Variants in PLB1 observed in about 807,000 individuals in gnomAD.
PLB1 encodes phospholipase B1, also known as phospholipase B1, membrane-associated.
A neutral mutation model predicts 227.4 loss-of-function variants in PLB1; 242 were observed. The observed-to-expected ratio is 1.06, with a 90% CI of 0.96 to 1.18. The LOEUF (loss-of-function observed/expected upper bound fraction) is 1.18. Ranked by LOEUF, PLB1 falls within the 50% of genes most tolerant of loss-of-function variation. PLB1 has a pLI of 0.00. For missense variants in PLB1, 1,858 were observed against 1,816.3 expected (o/e 1.02, Z -0.42); for synonymous variants, 757 against 682.2 (o/e 1.11, Z -1.71).
At chr2:28,585,896 C>T (rs1680830090) in intron 26 of PLB1, 54 bp downstream of exon 26, 4 of 1,456,926 alleles carry the variant, frequency 2.7e-6, no homozygotes, top group Admixed American at 3.4e-5. Flanking sequence ...GATTCGATTG[C>T]TCTGTCTAGA....
chr2:28,576,841 A>C (rs1215040166), intron 21 of PLB1, among the ~76,000 whole-genome samples: 1 of 152,230 alleles, frequency 6.6e-6, no homozygotes, highest in South Asian at 2.1e-4. Context: ...AGCCTCAAAA[A>C]GGTTAAGTGA....
chr2:28,597,263 CG>C (rs1558872468), intron 33 of PLB1, among the ~76,000 whole-genome samples: 2 of 103,596 alleles, frequency 1.9e-5, no homozygotes, highest in Admixed American at 1.1e-4. Context: ...GACTCCGTCT[CG>C]AAAAAAAAAA....
intron 14 of PLB1, among the ~76,000 whole-genome samples, chr2:28,544,578 G>GC (rs1553416533): frequency 1.3e-5 from 2 of 152,324 alleles, no homozygotes; most frequent in Middle Eastern, 3.4e-3. Flanking sequence ...CAGGCTTCAG[G>GC]TGTAGCTGGG....
intron 54 of PLB1, among the ~76,000 whole-genome samples, chr2:28,631,774 T>G (rs1688667460): frequency 6.6e-6 from 1 of 152,210 alleles, no homozygotes; most frequent in Non-Finnish European, 1.5e-5. Flanking sequence ...TGGAGCTGTG[T>G]AGCTAGGGAG....
In PLB1 at chr2:28,524,666, A is replaced by C. The variant is rs7557007; in HGVS notation, c.244-601A>C. Among the ~76,000 whole-genome samples the C allele has an allele frequency of 7.8e-3, 1,194 of 152,132 alleles. 9 individuals are homozygous for C. Among genetic ancestry groups the C allele is most frequent in the African/African-American group, 0.027 (1,119 of 41,472 alleles). On this transcript the variant is annotated intron_variant, in intron 4 of 57. Coordinates refer to ENST00000327757, the MANE Select transcript of PLB1 (RefSeq NM_153021.5). ...TTTGGAGGGTCATAATAAAACAATCATTTGTTTCTATGGAGAAAGTTAATG... is the reference window on the plus strand; with the variant it reads ...TTTGGAGGGTCATAATAAAACAATCCTTTGTTTCTATGGAGAAAGTTAATG...
Position 28,640,911 on chromosome 2 carries a change from C to T in PLB1, c.4099-16C>T. The T allele has an allele frequency of 6.2e-7, 1 of 1,610,874 alleles. No individual in the cohort carries two copies. The highest frequency in any genetic ancestry group is 1.1e-5 in the South Asian group (1 of 90,604). On this transcript the variant is annotated splice_polypyrimidine_tract_variant and intron_variant, in intron 56 of 57. Coordinates refer to ENST00000327757, the MANE Select transcript of PLB1 (RefSeq NM_153021.5). Reference sequence around the variant, plus strand: ...CAGCTTTGGAGAGAATCGAGGTGTCCTTTCTCTCTCTCCAGCTGGAACCAG... The same window carrying T: ...CAGCTTTGGAGAGAATCGAGGTGTCTTTTCTCTCTCTCCAGCTGGAACCAG...
chr2:28,598,582 C>A, intron 34 of PLB1, 70 bp from the exon 35 acceptor site: 1 of 1,263,066 alleles, frequency 7.9e-7, no homozygotes. Context: ...ACCTAGGTCC[C>A]ACAGTACCAG....
At chr2:28,499,523 G>GT (rs112085758) in intron 1 of PLB1, among the ~76,000 whole-genome samples, 2,936 of 136,598 alleles carry the variant, frequency 0.021, 25 homozygotes, top group Middle Eastern at 0.054. Flanking sequence ...CTGCACAACA[G>GT]TTTTTTTTTT....
chr2:28,604,892 G>T, intron 41 of PLB1, 133 bp downstream of exon 41: 1 of 812,794 alleles, frequency 1.2e-6, no homozygotes, highest in East Asian at 2.7e-5. Flanking sequence ...GGCAGGTGCA[G>T]GCTCCCTGAA....
intron 16 of PLB1, among the ~76,000 whole-genome samples, chr2:28,552,510 A>C (rs1674412180): frequency 6.6e-6 from 1 of 152,192 alleles, no homozygotes; most frequent in South Asian, 2.1e-4. Context: ...GGCTCTGGGG[A>C]CACAATAACA....
intron 1 of PLB1, among the ~76,000 whole-genome samples, chr2:28,510,778 T>TTGTGTGTGTGTGTC (rs1553398017): frequency 2.8e-5 from 4 of 141,538 alleles, no homozygotes; most frequent in Non-Finnish European, 6.1e-5. Context: ...ACTCAGATAA[T>TTGTGTGTGTGTGTC]TGTGTGTGTG....
intron 9 of PLB1, 32 bp downstream of exon 9, chr2:28,532,226 C>T (rs1294943226): frequency 6.4e-7 from 1 of 1,557,070 alleles, no homozygotes; most frequent in African/African-American, 1.4e-5. Context: ...CAAGGGATTA[C>T]AGATGCTGGG....
chr2:28,595,885 G>A (rs1682821709), intron 33 of PLB1: 1 of 152,162 alleles, frequency 6.6e-6, no homozygotes, highest in South Asian at 2.1e-4. Context: ...AGGCTCGGCT[G>A]TGAATATTTC....
chr2:28,548,599 AT>A (rs1673676558), intron 14 of PLB1: 15 of 541,902 alleles, frequency 2.8e-5, no homozygotes, highest in Non-Finnish European at 4.7e-5. Flanking sequence ...ATATATATAT[AT>A]AAAACCGATG....
chr2:28,633,560 C>G (rs982049640), intron 56 of PLB1, among the ~76,000 whole-genome samples: 1 of 148,696 alleles, frequency 6.7e-6, no homozygotes, highest in Non-Finnish European at 1.5e-5. Flanking sequence ...CTCTAAACAT[C>G]GAAAAGTGGA....
chr2:28,625,077 G>T lies in PLB1; in HGVS notation c.3548G>T (p.Trp1183Leu). 1 of 1,613,698 alleles carries T rather than the reference G, an allele frequency of 6.2e-7. No homozygotes were observed. The highest frequency in any genetic ancestry group is 8.5e-7 in the Non-Finnish European group (1 of 1,179,760). The change falls in exon 50 of 58, where the codon TGG (tryptophan) becomes TTG (leucine). Residue 1183 changes from tryptophan (W) to leucine (L), a missense_variant. Transcript: ENST00000327757. Reference protein sequence around the residue: ...ARARDMPAQAWDLVERMKNSP... With the variant: ...ARARDMPAQALDLVERMKNSP... Reference sequence around the variant, plus strand: ...CCTAGGGACATGCCAGCCCAGGCCTGGGACCTGGTAGAGCGAATGAAAAAC... The same window carrying T: ...CCTAGGGACATGCCAGCCCAGGCCTTGGACCTGGTAGAGCGAATGAAAAAC...
chr2:28,601,267 G>T lies in PLB1; in HGVS notation c.2542G>T (p.Glu848Ter), dbSNP rs1172731374. 6.2e-7 allele frequency: 1 copy of T among 1,613,720 alleles called. No individual in the cohort carries two copies. The highest frequency in any genetic ancestry group is 2.2e-5 in the East Asian group (1 of 44,878). Residue 848 changes from glutamate (E) to a stop codon, truncating the protein, a stop_gained, in exon 37 of 58, where the codon GAA becomes TAA. Transcript: ENST00000327757. LOFTEE classifies it high-confidence loss of function. ...MKDDHRVNFH[E>*]DWKVITVLIG... is the part of the protein sequence containing the mutation. ...CTCCATATAGAGAGTAAATTTCCAT[G>T]AAGACTGGAAGGTCATCACAGTGCT...
chr2:28,565,673 A>G (rs566941982), intron 19 of PLB1, among the ~76,000 whole-genome samples: 6 of 152,296 alleles, frequency 3.9e-5, no homozygotes, highest in East Asian at 1.9e-4. Context: ...AGTGATGCAC[A>G]GATCATTGCC....
intron 1 of PLB1, among the ~76,000 whole-genome samples, chr2:28,498,042 T>C (rs1162939106): frequency 6.6e-6 from 1 of 151,688 alleles, no homozygotes; most frequent in Non-Finnish European, 1.5e-5. Flanking sequence ...ATATGTATTT[T>C]AAATCTTCCT....
Sources: gnomAD v4.1 joint callset for allele counts (sites outside exome capture counted in the v4.1 genomes callset) on GRCh38, gnomAD v4.1.1 for gene constraint, MANE v1.5 for transcripts, NCBI Gene and HGNC (gene_info 2026-07-23, HGNC 2026-07-21) for gene names.